UNC93B1: variants seen among roughly 807,000 people sequenced by gnomAD.
UNC93B1 encodes protein unc-93 homolog B1.
UNC93B1 carries 33 observed loss-of-function variants against 56.8 expected under a neutral mutation model. The ratio of observed to expected loss-of-function variants is 0.58; its 90% CI spans 0.44 to 0.78. The LOEUF (loss-of-function observed/expected upper bound fraction) is 0.78. Among genes scored for constraint, UNC93B1 ranks in the 30% least tolerant of loss-of-function variants. The pLI is 0.00. For synonymous variants in UNC93B1, 334 were observed against 358.6 expected (o/e 0.93, Z 0.77); for missense variants, 673 against 819.5 (o/e 0.82, Z 2.18).
Position 67,997,762 on chromosome 11 carries a change from C to A in UNC93B1, c.819G>T (p.Lys273Asn), listed in dbSNP as rs1312030529. The change falls in exon 7 of 11, where the codon AAG becomes AAT. Residue 273 changes from lysine (K) to asparagine (N), a missense_variant. Lys to Asn is a moderately conservative substitution (Grantham distance 94). This residue lies in a region of UNC93B1 where 438 missense variants were observed against 465.9 expected (regional missense o/e 0.94). Coordinates refer to ENST00000227471, the MANE Select transcript of UNC93B1 (RefSeq NM_030930.4). The stretch of plus-strand genomic sequence containing the variant: ...TCCGCGGGAGCGTCCGCAGAACCGT[C>A]TTGTTGAAGCCGCTGAGGATCCCGT... The part of the protein sequence containing the change: ...NSHGILSGFN[K>N]TVLRTLPRSG... The A allele has an allele frequency of 6.2e-7, 1 of 1,610,284 alleles. No individual in the cohort carries two copies. The highest frequency in any genetic ancestry group is 1.3e-5 in the African/African-American group (1 of 75,080).
Position 68,001,344 on chromosome 11 carries a change from T to A in UNC93B1, c.393-1664A>T, listed in dbSNP as rs187270975. Among the ~76,000 whole-genome samples, 17 of 152,162 alleles carry A rather than the reference T, an allele frequency of 1.1e-4. 1 individual carries two copies. Among genetic ancestry groups the A allele is most frequent in the Admixed American group, 9.2e-4 (14 of 15,290 alleles). On this transcript the variant is annotated intron_variant, in intron 3 of 10. Transcript: ENST00000227471. ...GACCTAGTAAAGACATTGTTGAAAA[T>A]GTATCCTAGGAAAAATAATTGTTTA...
chr11:67,996,574 C>T, intron 8 of UNC93B1, 28 bp downstream of exon 8: 1 of 1,489,098 alleles, frequency 6.7e-7, no homozygotes. Context: ...TGTCTTTTGT[C>T]GGGCAATCCT....
Position 67,999,598 on chromosome 11 carries a change from A to G in UNC93B1, c.475T>C (p.Tyr159His). The G allele has an allele frequency of 1.2e-6, 2 of 1,605,728 alleles. No individual in the cohort carries two copies. Among genetic ancestry groups the G allele is most frequent in the South Asian group, 2.2e-5 (2 of 89,304 alleles). ...FVSTNYWERYYTLVPSAVALG... is the reference protein window; with the variant it reads ...FVSTNYWERYHTLVPSAVALG... ...GCCACAGCCGAGGGCACAAGCGTGT[A>G]GTAGCGCTCCCAGTAGTTGGTGGAG... The change falls in exon 4 of 11, where the codon TAC (tyrosine) becomes CAC (histidine). Residue 159 changes from tyrosine (Y) to histidine (H), a missense_variant. By Grantham distance (83) the Tyr-to-His change is moderately conservative. This residue lies in a region of UNC93B1 where 438 missense variants were observed against 465.9 expected (regional missense o/e 0.94). Coordinates refer to ENST00000227471, the MANE Select transcript of UNC93B1 (RefSeq NM_030930.4).
chr11:68,000,565 T>TGAGGCAGGAGAATCGCTTG (rs1015434837), intron 3 of UNC93B1, among the ~76,000 whole-genome samples: 3 of 152,112 alleles, frequency 2.0e-5, no homozygotes, highest in African/African-American at 7.2e-5. Flanking sequence ...CTTGGGAGGC[T>TGAGGCAGGAGAATCGCTTG]GAGGCAGGAG....
At position 68,003,567 on chromosome 11, in the gene UNC93B1, A is replaced by G; in HGVS notation, c.238+90T>C. 1 of 1,446,486 alleles carries G rather than the reference A, an allele frequency of 6.9e-7. No homozygotes were observed. Among genetic ancestry groups the G allele is most frequent in the Non-Finnish European group, 9.1e-7 (1 of 1,100,610 alleles). 89.6% of individuals were successfully genotyped at this position (1,446,486 alleles called of 1,614,324 possible). ...GCGAGGGCAGCGGAGGGGAAGTGAGAGCGGGCGGGAGGCGGCGGCCCGCGG... is the reference window on the plus strand; with the variant it reads ...GCGAGGGCAGCGGAGGGGAAGTGAGGGCGGGCGGGAGGCGGCGGCCCGCGG... On this transcript the variant is annotated intron_variant, in intron 2 of 10. Coordinates refer to ENST00000227471, the MANE Select transcript of UNC93B1 (RefSeq NM_030930.4). The surrounding 1 kb of genome is among the most constrained non-coding windows in gnomAD (Gnocchi z 4.4).
intron 10 of UNC93B1, among the ~76,000 whole-genome samples, chr11:67,992,666 CTTT>C (rs760102898): frequency 8.5e-6 from 1 of 118,234 alleles, no homozygotes; most frequent in Non-Finnish European, 1.8e-5. Flanking sequence ...TTTTTTTTTC[CTTT>C]TTTTTTTTTT....
At chr11:67,999,128 G>T (rs140566211) in intron 5 of UNC93B1, 45 bp downstream of exon 5, 9 of 1,611,048 alleles carry the variant, frequency 5.6e-6, no homozygotes, top group Non-Finnish European at 7.6e-6. Flanking sequence ...GCTCCAATGC[G>T]TGGGTCTGCC....
Position 67,991,763 on chromosome 11 carries a change from T to A in UNC93B1, c.1577A>T (p.Gln526Leu). The A allele has an allele frequency of 6.5e-7, 1 of 1,540,796 alleles. No homozygotes were observed. Among genetic ancestry groups the A allele is most frequent in the Non-Finnish European group, 8.7e-7 (1 of 1,150,952 alleles). The change falls in exon 11 of 11, where the codon CAG becomes CTG. Residue 526 changes from glutamine (Q) to leucine (L), a missense_variant. By Grantham distance (113) the Gln-to-Leu change is moderately radical. Transcript: ENST00000227471. Reference protein sequence around the residue: ...QKLRRGVAPRQPRIPRPQHKV... With the variant: ...QKLRRGVAPRLPRIPRPQHKV... ...GTGCTGGGGCCGCGGGATGCGGGGC[T>A]GGCGCGGGGCCACGCCCCGGCGCAG... is the stretch of plus-strand genomic sequence containing the variant.
At position 68,003,981 on chromosome 11, in the gene UNC93B1, G is replaced by A; in HGVS notation, c.63C>T (p.Asp21=). The A allele has an allele frequency of 7.1e-7, 1 of 1,400,590 alleles. No homozygotes were observed. Among genetic ancestry groups the A allele is most frequent in the Non-Finnish European group, 9.3e-7 (1 of 1,074,180 alleles). The allele number at this position is 1,400,590 out of a possible 1,614,324, so 86.8% of individuals were successfully genotyped here. ...CGGGCCCGTCCGGGACCCCGAGCAG[G>A]TCCTCGTCGCCCTGCGGCCCCGCAG... is the stretch of plus-strand genomic sequence containing the variant. ...AGAAGPQGDE[D]LLGVPDGPEA... is the part of the protein sequence containing the mutation. The change falls in exon 1 of 11, where the codon GAC becomes GAT. Residue 21 remains aspartate (D), a synonymous_variant. Transcript: ENST00000227471. This position sits in a 1 kb window ranked among gnomAD's most constrained non-coding sequence, Gnocchi z 4.4.
intron 5 of UNC93B1, 103 bp from the exon 6 acceptor site, chr11:67,998,555 G>C: frequency 8.6e-7 from 1 of 1,166,680 alleles, no homozygotes; most frequent in Non-Finnish European, 1.3e-6. Flanking sequence ...GGGGGAACAG[G>C]GGCCTTCCCA....
At chr11:67,994,299 G>A (rs776041153) in intron 9 of UNC93B1, among the ~76,000 whole-genome samples, 7 of 152,206 alleles carry the variant, frequency 4.6e-5, no homozygotes, top group South Asian at 2.1e-4. Context: ...ATGCACGCTC[G>A]TTCTCAGGGC....
chr11:68,000,360 G>A (rs184231869), intron 3 of UNC93B1, among the ~76,000 whole-genome samples: 15 of 152,374 alleles, frequency 9.8e-5, no homozygotes, highest in Non-Finnish European at 2.2e-4. Flanking sequence ...TGGTGAGGAT[G>A]TGGTTTGAAA....
At position 68,003,011 on chromosome 11, in the gene UNC93B1, G is replaced by C; in HGVS notation, c.392+11C>G. ...AGTACCGCAGCATCCCACAGGAGCA[G>C]CCGCGCCCACCTGATGAGCACAGGT... On this transcript the variant is annotated intron_variant, in intron 3 of 10. Coordinates refer to ENST00000227471, the MANE Select transcript of UNC93B1 (RefSeq NM_030930.4). This position sits in a 1 kb window ranked among gnomAD's most constrained non-coding sequence, Gnocchi z 4.4. 2 of 1,604,168 alleles carry C rather than the reference G, an allele frequency of 1.2e-6. No individual in the cohort carries two copies. Among genetic ancestry groups the C allele is most frequent in the Non-Finnish European group, 1.7e-6 (2 of 1,175,770 alleles).
rs1290813888 is a variant in UNC93B1 at position 67,999,101 on chromosome 11, G to A, written c.687+72C>T. On this transcript the variant is annotated intron_variant, in intron 5 of 10. Coordinates refer to ENST00000227471, the MANE Select transcript of UNC93B1 (RefSeq NM_030930.4). ...AAAAGAAAGAAAGTGGGACTAGAGG[G>A]TTGAGACTGTGGATGGGCTCCAATG... 5.6e-6 allele frequency: 9 copies of A among 1,596,382 alleles called. No homozygotes were observed. The East Asian group carries it at 2.0e-4, about 36-fold the overall frequency.
Position 67,991,576 on chromosome 11 carries a change from C to G in UNC93B1, c.1764G>C (p.Ala588=). The stretch of plus-strand genomic sequence containing the variant: ...GCTCCTCCGGCCCGTCTCCCCCCTG[C>G]GCCTGTTCGTACGGGCAGGGCCGGC... The part of the protein sequence containing the change: ...LGRRPCPYEQ[A]QGGDGPEEQ The change falls in exon 11 of 11, where the codon GCG becomes GCC. Residue 588 remains alanine (A), a synonymous_variant. Coordinates refer to ENST00000227471, the MANE Select transcript of UNC93B1 (RefSeq NM_030930.4). The G allele has an allele frequency of 6.7e-7, 1 of 1,491,852 alleles. No individual in the cohort carries two copies. Among genetic ancestry groups the G allele is most frequent in the Non-Finnish European group, 8.9e-7 (1 of 1,128,368 alleles). 92.4% of individuals were successfully genotyped at this position (1,491,852 alleles called of 1,614,324 possible).
chr11:67,997,947 G>A, intron 6 of UNC93B1, 148 bp from the exon 7 acceptor site: 2 of 1,276,912 alleles, frequency 1.6e-6, no homozygotes, highest in Non-Finnish European at 2.2e-6. Context: ...AGAGCAGTTT[G>A]GAGGTTTGGA....
At chr11:67,998,889 C>T (rs1041857700) in intron 5 of UNC93B1, among the ~76,000 whole-genome samples, 4 of 151,796 alleles carry the variant, frequency 2.6e-5, no homozygotes, top group Admixed American at 1.3e-4. Context: ...AGTGCAAGAC[C>T]CTGCCCCCAA....
In UNC93B1 at chr11:67,996,996, C is replaced by T. The variant is rs1834117772; in HGVS notation, c.907-212G>A. 2.0e-5 allele frequency among the ~76,000 whole-genome samples: 3 copies of T among 151,940 alleles called. No homozygotes were observed. In the East Asian group the frequency reaches 5.8e-4, roughly 29 times the overall value. ...CGCCTCTCAGCACAAAGCCACGCCA[C>T]CACACTCCGAAAGACGGTGGTCTTG... On this transcript the variant is annotated intron_variant, in intron 7 of 10. Coordinates refer to ENST00000227471, the MANE Select transcript of UNC93B1 (RefSeq NM_030930.4).
In UNC93B1 at chr11:67,992,652, C is replaced by CTT. The variant is rs551140497; in HGVS notation, c.1483-797_1483-796dup. Among the ~76,000 whole-genome samples the CTT allele has an allele frequency of 5.8e-3, 775 of 134,350 alleles. 10 individuals are homozygous for CTT. Among genetic ancestry groups the CTT allele is most frequent in the African/African-American group, 0.018 (641 of 35,462 alleles). The allele number at this position is 134,350 out of a possible 152,430, so 88.1% of individuals were successfully genotyped here. On this transcript the variant is annotated intron_variant, in intron 10 of 10. Transcript: ENST00000227471. ...CATGCCCAGCCCACTCACTGCTTTT[C>CTT]TTTTTTTTTTTTCCTTTTTTTTTTT...
Sources: allele counts gnomAD v4.1 joint callset (sites outside exome capture counted in the v4.1 genomes callset), GRCh38; gene constraint gnomAD v4.1.1; regional missense constraint gnomAD v4.1.1; non-coding constraint Gnocchi (gnomAD v3.1); transcripts MANE v1.5; gene names NCBI Gene and HGNC (gene_info 2026-07-23, HGNC 2026-07-21).